Variants in GALK2 observed in about 807,000 individuals in gnomAD.
GALK2 encodes the protein galactokinase 2, also known as N-acetylgalactosamine kinase.
GALK2 carries 36 observed loss-of-function variants against 52.4 expected under a neutral mutation model. That is an observed-to-expected ratio of 0.69 (90% confidence interval 0.53 to 0.91). GALK2 has a LOEUF of 0.91. Among genes scored for constraint, GALK2 ranks in the 40% least tolerant of loss-of-function variants. The probability of loss-of-function intolerance (pLI) is 0.00; values close to 1 mark genes in which losing one functional copy is unlikely to be tolerated. For missense variants in GALK2, 579 were observed against 559.1 expected (o/e 1.04, Z -0.36); for synonymous variants, 176 against 199.1 (o/e 0.88, Z 0.98).
At chr15:49,161,011 A>G (rs967185767) in intron 1 of GALK2, among the ~76,000 whole-genome samples, 1 of 152,242 alleles carries the variant, frequency 6.6e-6, no homozygotes, top group African/African-American at 2.4e-5. Flanking sequence ...GAGTAATCAA[A>G]GTTTCATAGT....
chr15:49,264,082 C>T (rs921708350), intron 5 of GALK2, among the ~76,000 whole-genome samples: 43 of 151,748 alleles, frequency 2.8e-4, no homozygotes, highest in African/African-American at 9.4e-4. Flanking sequence ...ATCTTTGTGG[C>T]GTTCTCTGGA....
intron 1 of GALK2, among the ~76,000 whole-genome samples, chr15:49,181,258 C>A (rs1327704206): frequency 6.6e-6 from 1 of 151,722 alleles, no homozygotes; most frequent in Non-Finnish European, 1.5e-5. Context: ...CATGCATGTG[C>A]CATGGTGCCC....
chr15:49,295,048 G>C (rs1237603722), intron 8 of GALK2, among the ~76,000 whole-genome samples: 1 of 152,114 alleles, frequency 6.6e-6, no homozygotes, highest in African/African-American at 2.4e-5. Context: ...TGAATGAGAA[G>C]AGCCTGAAGT....
At chr15:49,267,801 AGAAG>A (rs961547657) in intron 5 of GALK2, among the ~76,000 whole-genome samples, 1 of 152,214 alleles carries the variant, frequency 6.6e-6, no homozygotes, top group Non-Finnish European at 1.5e-5. Flanking sequence ...TTTTTATCAA[AGAAG>A]GAAGTTGGAA....
chr15:49,216,568 A>G (rs1459666854), intron 2 of GALK2, among the ~76,000 whole-genome samples: 1 of 152,210 alleles, frequency 6.6e-6, no homozygotes, highest in Non-Finnish European at 1.5e-5. Flanking sequence ...CCGGTGCAGT[A>G]CCAGGGCTTG....
At chr15:49,203,401 GT>G (rs2087962979) in intron 2 of GALK2, among the ~76,000 whole-genome samples, 1 of 151,984 alleles carries the variant, frequency 6.6e-6, no homozygotes, top group South Asian at 2.1e-4. Context: ...GTTGAGTTAA[GT>G]TTTTTATATA....
chr15:49,219,374 C>T (rs1386366491), intron 3 of GALK2, among the ~76,000 whole-genome samples: 1 of 152,172 alleles, frequency 6.6e-6, no homozygotes, highest in African/African-American at 2.4e-5. Context: ...GTGACTTGCT[C>T]CTCCTTGCCT....
intron 3 of GALK2, among the ~76,000 whole-genome samples, chr15:49,354,965 C>G (rs1214515960): frequency 2.0e-5 from 3 of 151,940 alleles, no homozygotes; most frequent in Non-Finnish European, 2.9e-5. Context: ...GGGAGGCACC[C>G]CCCAGCAGGG....
intron 8 of GALK2, chr15:49,318,186 G>A (rs578006168): frequency 6.6e-6 from 1 of 152,292 alleles, no homozygotes; most frequent in South Asian, 2.1e-4. Context: ...CAGCATGGGT[G>A]AAAATGGTAA....
chr15:49,365,423 G>A (rs953708923), intron 3 of GALK2: 59 of 966,782 alleles, frequency 6.1e-5, no homozygotes, highest in Non-Finnish European at 7.8e-5. Context: ...TCTACAGTAC[G>A]CAAGCAACAG....
chr15:49,339,989 G>C (rs1267216521), intron 3 of GALK2, among the ~76,000 whole-genome samples: 1 of 152,018 alleles, frequency 6.6e-6, no homozygotes, highest in Non-Finnish European at 1.5e-5. Context: ...GAGGGTCCCA[G>C]GTTGAGCTCA....
At chr15:49,303,144 G>A (rs2035251988) in intron 8 of GALK2, among the ~76,000 whole-genome samples, 1 of 152,002 alleles carries the variant, frequency 6.6e-6, no homozygotes, top group African/African-American at 2.4e-5. Flanking sequence ...TTCCTACCTT[G>A]TTTCCTAGGG....
At chr15:49,366,817 G>A (rs1215251779) in intron 3 of GALK2, 2 of 550,316 alleles carry the variant, frequency 3.6e-6, no homozygotes, top group South Asian at 2.2e-5. Context: ...TGCAGGGGCC[G>A]CCACTGCAGC....
At chr15:49,201,035 A>G in intron 1 of GALK2, 127 bp from the exon 2 acceptor site, 1 of 466,422 alleles carries the variant, frequency 2.1e-6, no homozygotes, top group Non-Finnish European at 3.7e-6. Context: ...GGAATAATTA[A>G]TGGTGGCAGG....
chr15:49,312,930 A>T (rs2036112764), intron 8 of GALK2, among the ~76,000 whole-genome samples: 1 of 152,232 alleles, frequency 6.6e-6, no homozygotes, highest in African/African-American at 2.4e-5. Context: ...TTATGGCATG[A>T]TGACCCACTC....
rs1016166431 is a variant in GALK2, at chr15:49,324,849, G to A, written c.1170-3103G>A. Among the ~76,000 whole-genome samples the A allele has an allele frequency of 3.3e-5, 5 of 152,248 alleles. No individual in the cohort carries two copies. The East Asian group carries it at 7.7e-4, about 24-fold the overall frequency. ...AACCTAGAATTTCTAGAATTGTGCT[G>A]GGCTGGGGTCAGAGAGATGGATGTG... On this transcript the variant is annotated intron_variant, in intron 9 of 9. Coordinates refer to ENST00000560031, the MANE Select transcript of GALK2 (RefSeq NM_002044.4).
At chr15:49,211,423 C>CT (rs911424175) in intron 2 of GALK2, among the ~76,000 whole-genome samples, 2 of 152,138 alleles carry the variant, frequency 1.3e-5, no homozygotes, top group African/African-American at 4.8e-5. Flanking sequence ...ATCGTCCTAT[C>CT]TTTTTTCTGA....
At chr15:49,277,042 C>T (rs1007789253) in intron 5 of GALK2, among the ~76,000 whole-genome samples, 7 of 139,362 alleles carry the variant, frequency 5.0e-5, no homozygotes, top group East Asian at 2.2e-4. Flanking sequence ...GGCGCAATCT[C>T]GGCTCACTGC....
chr15:49,367,575 G>A (rs761817125), exon 4 of GALK2: 16 of 1,600,442 alleles, frequency 1.0e-5, no homozygotes, highest in African/African-American at 2.7e-5. Flanking sequence ...AAGAGAACAC[G>A]ATTAAACTCT....
Sources: allele counts gnomAD v4.1 joint callset (sites outside exome capture counted in the v4.1 genomes callset), GRCh38; gene constraint gnomAD v4.1.1; transcripts MANE v1.5; gene names NCBI Gene and HGNC (gene_info 2026-07-23, HGNC 2026-07-21).